Variants in DOP1A observed in about 807,000 individuals in gnomAD.
DOP1A encodes protein DOP1A.
DOP1A carries 90 observed loss-of-function variants against 267.6 expected under a neutral mutation model. That is an observed-to-expected ratio of 0.34 (90% CI 0.28 to 0.40). DOP1A has a LOEUF of 0.40. Among genes scored for constraint, DOP1A ranks in the 10% least tolerant of loss-of-function variants. The probability of loss-of-function intolerance (pLI) is 1.00; values close to 1 mark genes in which losing one functional copy is unlikely to be tolerated. For missense variants in DOP1A, 2,437 were observed against 2,900.4 expected (o/e 0.84, Z 3.67); for synonymous variants, 932 against 999.1 (o/e 0.93, Z 1.27).
intron 1 of DOP1A, among the ~76,000 whole-genome samples, chr6:83,095,091 C>T (rs1276091578): frequency 6.6e-6 from 1 of 152,126 alleles, no homozygotes; most frequent in Non-Finnish European, 1.5e-5. Context: ...AGCCACCACA[C>T]CTGGCTGATT....
intron 1 of DOP1A, among the ~76,000 whole-genome samples, chr6:83,076,501 T>TC (rs1767117580): frequency 6.6e-6 from 1 of 151,826 alleles, no homozygotes; most frequent in African/African-American, 2.4e-5. Context: ...CAGAGCAGAC[T>TC]CCATCTCAAA....
At chr6:83,122,390 T>G (rs953625681) in intron 11 of DOP1A, among the ~76,000 whole-genome samples, 1 of 151,896 alleles carries the variant, frequency 6.6e-6, no homozygotes, top group Non-Finnish European at 1.5e-5. Context: ...TGTTGTTGTT[T>G]TTCAAACTAA....
At chr6:83,169,263 TTCC>T, downstream of DOP1A, 1 of 1,614,094 alleles carries the variant, frequency 6.2e-7, no homozygotes, top group Non-Finnish European at 8.5e-7. Flanking sequence ...CTTTCTCCAA[TTCC>T]TCCAGCCAGC....
chr6:83,068,047 G>T (rs1784977338), intron 1 of DOP1A, among the ~76,000 whole-genome samples: 2 of 152,198 alleles, frequency 1.3e-5, no homozygotes, highest in Admixed American at 6.5e-5. Context: ...GCGGCCCCAG[G>T]TGAGGGAGGC....
intron 1 of DOP1A, among the ~76,000 whole-genome samples, chr6:83,076,608 TA>T (rs375064352): frequency 9.4e-5 from 14 of 149,474 alleles, no homozygotes; most frequent in African/African-American, 2.5e-4. Flanking sequence ...TGGCTACTAT[TA>T]AAAAAAAAAT....
At chr6:83,168,899 T>C (rs1362927948), downstream of DOP1A, 1 of 1,065,716 alleles carries the variant, frequency 9.4e-7, no homozygotes, top group East Asian at 6.7e-5. Flanking sequence ...GGCAAAGATA[T>C]CACAAGGAGT....
chr6:83,146,062 A>G (rs896642496), intron 25 of DOP1A, among the ~76,000 whole-genome samples: 1 of 152,154 alleles, frequency 6.6e-6, no homozygotes, highest in Non-Finnish European at 1.5e-5. Flanking sequence ...GAACTCCCCA[A>G]ATTTTGCTAT....
At chr6:83,107,340 C>T (rs1773807636) in intron 4 of DOP1A, among the ~76,000 whole-genome samples, 2 of 152,174 alleles carry the variant, frequency 1.3e-5, no homozygotes, top group South Asian at 2.1e-4. Flanking sequence ...CTGGAAGAGA[C>T]TGAGAGACTG....
intron 38 of DOP1A, chr6:83,166,487 C>T (rs1425311540): frequency 7.2e-6 from 5 of 696,884 alleles, no homozygotes; most frequent in South Asian, 3.0e-5. Context: ...CTCAGAAAAT[C>T]GCTAAATTTG....
At chr6:83,096,247 C>A (rs1293334903) in intron 1 of DOP1A, among the ~76,000 whole-genome samples, 1 of 151,464 alleles carries the variant, frequency 6.6e-6, no homozygotes, top group African/African-American at 2.4e-5. Flanking sequence ...CCATGCCTGG[C>A]TAATTTTTAT....
At chr6:83,124,609 A>G (rs1007394723) in intron 12 of DOP1A, 96 bp from the exon 13 acceptor site, 93 of 895,322 alleles carry the variant, frequency 1.0e-4, no homozygotes, top group African/African-American at 2.0e-4. Flanking sequence ...GTGTGACCCA[A>G]TATTGACTTG....
intron 1 of DOP1A, among the ~76,000 whole-genome samples, chr6:83,094,168 T>C (rs145164780): frequency 0.013 from 2,052 of 152,316 alleles, 19 homozygotes; most frequent in Non-Finnish European, 0.018. Flanking sequence ...AATCATATAC[T>C]ATGTGGTCTT....
intron 7 of DOP1A, 50 bp from the exon 8 acceptor site, chr6:83,118,838 T>C (rs1321865439): frequency 6.6e-7 from 1 of 1,504,584 alleles, no homozygotes; most frequent in East Asian, 2.3e-5. Flanking sequence ...AGGAAAAAAA[T>C]AATATATATT....
At chr6:83,129,796 G>A (rs1289059860) in intron 16 of DOP1A, among the ~76,000 whole-genome samples, 2 of 152,092 alleles carry the variant, frequency 1.3e-5, no homozygotes, top group Admixed American at 6.6e-5. Context: ...GTTATGACCA[G>A]TAACATATGT....
intron 15 of DOP1A, among the ~76,000 whole-genome samples, chr6:83,126,167 T>C (rs907797747): frequency 5.3e-5 from 8 of 150,994 alleles, no homozygotes; most frequent in African/African-American, 2.0e-4. Flanking sequence ...TGCTGATTGG[T>C]TTGTGAGTAT....
chr6:83,070,299 T>C (rs1172464148), intron 1 of DOP1A, among the ~76,000 whole-genome samples: 1 of 152,230 alleles, frequency 6.6e-6, no homozygotes, highest in Non-Finnish European at 1.5e-5. Flanking sequence ...TTATTGAGAA[T>C]TGTATGAAAA....
chr6:83,095,690 G>A (rs1771348267), intron 1 of DOP1A, among the ~76,000 whole-genome samples: 1 of 152,182 alleles, frequency 6.6e-6, no homozygotes, highest in African/African-American at 2.4e-5. Flanking sequence ...AAAATCTTCT[G>A]TAGGTCTCGA....
At chr6:83,085,774 GTATTTTATGT>G (rs1450976470) in intron 1 of DOP1A, among the ~76,000 whole-genome samples, 5 of 132,426 alleles carry the variant, frequency 3.8e-5, no homozygotes, top group African/African-American at 8.4e-5. Flanking sequence ...GTTTTTTGCG[GTATTTTATGT>G]TATGTTATGT....
Position 83,152,333 on chromosome 6 carries a change from T to C in DOP1A, c.6095T>C (p.Val2032Ala). 6.4e-7 allele frequency: 1 copy of C among 1,563,048 alleles called. No homozygotes were observed. The highest frequency in any genetic ancestry group is 8.6e-7 in the Non-Finnish European group (1 of 1,156,658). The change falls in exon 30 of 39, where the codon GTA (valine) becomes GCA (alanine). Residue 2032 changes from valine (V) to alanine (A), a missense_variant. This residue lies in a region of DOP1A where 216 missense variants were observed against 283.3 expected (regional missense o/e 0.76). Transcript: ENST00000349129. ...AMETANITPS[V>A]YSVHALTLLS... ...GAAACCGCAAACATAACTCCTTCTG[T>C]ATATAGTGTCCATGCATTGACATTA...
Sources: gnomAD v4.1 joint callset for allele counts (sites outside exome capture counted in the v4.1 genomes callset) on GRCh38, gnomAD v4.1.1 for gene constraint, gnomAD v4.1.1 regional missense constraint, MANE v1.5 for transcripts, NCBI Gene and HGNC (gene_info 2026-07-23, HGNC 2026-07-21) for gene names.